C16orf74: variants seen among roughly 807,000 people sequenced by gnomAD.
The protein encoded by C16orf74 is calcimembrin.
In C16orf74, 10 loss-of-function variants were observed where a neutral mutation model predicts 6.5. The ratio of observed to expected loss-of-function variants is 1.54; its 90% confidence interval spans 0.95 to 2.61. The LOEUF (loss-of-function observed/expected upper bound fraction) is 2.61, where lower values mean the gene tolerates loss of function less well. C16orf74 is among the 30% of genes most tolerant of loss of function. The pLI is 0.00. For missense variants in C16orf74, 141 were observed against 105.9 expected (o/e 1.33, Z -1.45); for synonymous variants, 60 against 42.5 (o/e 1.41, Z -1.60).
chr16:85,736,084 G>A (rs1053157549), intron 1 of C16orf74, among the ~76,000 whole-genome samples: 4 of 152,282 alleles, frequency 2.6e-5, no homozygotes, highest in South Asian at 2.1e-4. Context: ...GTAGTGTGCA[G>A]AGATCCAGAG....
intron 2 of C16orf74, among the ~76,000 whole-genome samples, chr16:85,715,977 C>T (rs2152058693): frequency 6.6e-6 from 1 of 152,214 alleles, no homozygotes; most frequent in South Asian, 2.1e-4. Flanking sequence ...CAAAGAGCTC[C>T]TTGCGGAGGC....
chr16:85,729,014 A>G (rs539770051), intron 2 of C16orf74, among the ~76,000 whole-genome samples: 1 of 152,310 alleles, frequency 6.6e-6, no homozygotes, highest in East Asian at 1.9e-4. Context: ...ATGCCTATAC[A>G]GAAGGTCCCG....
chr16:85,715,605 G>C (rs1308185704), intron 2 of C16orf74, among the ~76,000 whole-genome samples: 1 of 152,316 alleles, frequency 6.6e-6, no homozygotes, highest in East Asian at 1.9e-4. Flanking sequence ...CTTTGCCACG[G>C]CAGCCTGAAA....
At chr16:85,738,483 C>G (rs905266299) in intron 1 of C16orf74, among the ~76,000 whole-genome samples, 2 of 137,502 alleles carry the variant, frequency 1.5e-5, no homozygotes, top group Non-Finnish European at 3.2e-5. Context: ...CACCATGACA[C>G]CCAGCTAATT....
intron 1 of C16orf74, chr16:85,744,007 T>C (rs1206211413): frequency 3.3e-5 from 5 of 151,666 alleles, no homozygotes; most frequent in African/African-American, 1.2e-4. Flanking sequence ...TGAGTCGAGA[T>C]TGTGCCACTG....
intron 1 of C16orf74, among the ~76,000 whole-genome samples, chr16:85,745,019 T>C (rs2054357195): frequency 1.3e-5 from 2 of 151,020 alleles, no homozygotes; most frequent in African/African-American, 4.9e-5. Flanking sequence ...CGCACGCCTG[T>C]AATCCCAGCT....
At chr16:85,750,893 A>C (rs2054430565) in intron 1 of C16orf74, 33 bp downstream of exon 1, 1 of 150,392 alleles carries the variant, frequency 6.6e-6, no homozygotes, top group Non-Finnish European at 1.5e-5. Flanking sequence ...GTCCCGGGGA[A>C]GGGGCGGCGG....
Position 85,710,438 on chromosome 16 carries a change from C to T in C16orf74, c.29-131G>A, listed in dbSNP as rs1047523351. 2.4e-5 allele frequency: 19 copies of T among 781,372 alleles called. No individual in the cohort carries two copies. The South Asian group carries it at 3.5e-4, about 14-fold the overall frequency. The allele number at this position is 781,372 out of a possible 1,614,324, so 48.4% of individuals were successfully genotyped here. A position where few individuals can be genotyped will look rare whatever the true frequency, so the allele number is the denominator to read the frequency against. ...GGTCCTGACGCCTCGCAGCAAGGAG[C>T]GCAGCTGTCCCCGCATCACAGATGA... On this transcript the variant is annotated intron_variant, in intron 2 of 3. Transcript: ENST00000284245.
chr16:85,740,545 AT>A (rs776189182), intron 1 of C16orf74, among the ~76,000 whole-genome samples: 188 of 151,600 alleles, frequency 1.2e-3, no homozygotes, highest in Non-Finnish European at 2.1e-3. Flanking sequence ...TACTAAAAAT[AT>A]AAAAAATTAG....
chr16:85,735,270 G>T, intron 1 of C16orf74, 35 bp from the exon 2 acceptor site: 3 of 1,511,436 alleles, frequency 2.0e-6, no homozygotes, highest in Non-Finnish European at 1.8e-6. Flanking sequence ...AGAGGGGAGG[G>T]CGCGACTTGT....
intron 2 of C16orf74, among the ~76,000 whole-genome samples, chr16:85,715,444 G>A (rs1487637015): frequency 6.6e-6 from 1 of 152,202 alleles, no homozygotes; most frequent in Non-Finnish European, 1.5e-5. Flanking sequence ...GTGGGAGGCA[G>A]GGCCAGGATC....
At chr16:85,729,257 T>C (rs2054164321) in intron 2 of C16orf74, among the ~76,000 whole-genome samples, 2 of 152,166 alleles carry the variant, frequency 1.3e-5, no homozygotes, top group South Asian at 4.1e-4. Flanking sequence ...CATGCCCAGA[T>C]CCTGTTGATG....
intron 1 of C16orf74, among the ~76,000 whole-genome samples, chr16:85,750,409 C>T (rs2054424076): frequency 6.6e-6 from 1 of 152,236 alleles, no homozygotes; most frequent in Non-Finnish European, 1.5e-5. Flanking sequence ...CGTGCGTCCA[C>T]ACGGGTCGCC....
chr16:85,708,142 AG>A (rs1598775495), intron 3 of C16orf74, 76 bp from the exon 4 acceptor site: 2 of 1,264,348 alleles, frequency 1.6e-6, no homozygotes, highest in East Asian at 2.5e-5. Flanking sequence ...TGGGAACTGC[AG>A]GGCTGGGGCC....
chr16:85,723,193 G>A (rs2054099393), intron 2 of C16orf74, among the ~76,000 whole-genome samples: 1 of 150,654 alleles, frequency 6.6e-6, no homozygotes. Context: ...CCAGGAGGTG[G>A]AGGCTGCAGT....
At chr16:85,711,799 G>A (rs1384434608) in intron 2 of C16orf74, among the ~76,000 whole-genome samples, 3 of 152,154 alleles carry the variant, frequency 2.0e-5, no homozygotes, top group Non-Finnish European at 2.9e-5. Flanking sequence ...GAGAAGCTGA[G>A]TAATAAGGGG....
chr16:85,750,591 C>T (rs1597187123), intron 1 of C16orf74, among the ~76,000 whole-genome samples: 1 of 152,224 alleles, frequency 6.6e-6, no homozygotes, highest in African/African-American at 2.4e-5. Flanking sequence ...GAATGGCGTT[C>T]TGGTCCATTC....
At chr16:85,721,663 G>A (rs1011664263) in intron 2 of C16orf74, among the ~76,000 whole-genome samples, 4 of 152,150 alleles carry the variant, frequency 2.6e-5, no homozygotes, top group African/African-American at 7.2e-5. Flanking sequence ...GAGCAGGCCC[G>A]TCACCCACGG....
chr16:85,740,043 C>G (rs1225321905), intron 1 of C16orf74, among the ~76,000 whole-genome samples: 1 of 150,684 alleles, frequency 6.6e-6, no homozygotes, highest in Non-Finnish European at 1.5e-5. Flanking sequence ...AACCCCGTCT[C>G]TACTAAAAAT....
Sources: gnomAD v4.1 joint callset for allele counts (sites outside exome capture counted in the v4.1 genomes callset) on GRCh38, gnomAD v4.1.1 for gene constraint, MANE v1.5 for transcripts, NCBI Gene and HGNC (gene_info 2026-07-23, HGNC 2026-07-21) for gene names.